Variants in TM9SF4 observed in about 807,000 individuals in gnomAD.
TM9SF4 encodes the protein dinucleotide oxidase disulfide thiol exchanger 3 superfamily member 4.
Under a neutral mutation model 90.4 loss-of-function variants are expected in TM9SF4, and 26 were observed. That is an observed-to-expected ratio of 0.29 (90% confidence interval 0.21 to 0.40). The LOEUF is 0.40. TM9SF4 is among the 10% of genes least tolerant of loss of function. The probability of loss-of-function intolerance (pLI) is 1.00; values close to 1 mark genes in which losing one functional copy is unlikely to be tolerated. For synonymous variants in TM9SF4, 293 were observed against 315.4 expected (o/e 0.93, Z 0.75); for missense variants, 549 against 834.8 (o/e 0.66, Z 4.22).
At chr20:32,164,118 G>A (rs1296460725) in intron 17 of TM9SF4, among the ~76,000 whole-genome samples, 1 of 152,048 alleles carries the variant, frequency 6.6e-6, no homozygotes, top group Non-Finnish European at 1.5e-5. Flanking sequence ...ATAAAATGAG[G>A]AACTTTCTGG....
At chr20:32,128,790 CTGTGTGTGTGTGTGTG>C (rs55977888) in intron 1 of TM9SF4, among the ~76,000 whole-genome samples, 8 of 145,266 alleles carry the variant, frequency 5.5e-5, no homozygotes, top group African/African-American at 1.3e-4. Flanking sequence ...GTATTCCATT[CTGTGTGTGTGTGTGTG>C]TGTGTGTGTG....
chr20:32,145,300 C>A lies in TM9SF4; in HGVS notation c.772-12C>A. 6.2e-7 allele frequency: 1 copy of A among 1,613,832 alleles called. No individual in the cohort carries two copies. The highest frequency in any genetic ancestry group is 2.2e-5 in the East Asian group (1 of 44,872). On this transcript the variant is annotated splice_polypyrimidine_tract_variant and intron_variant, in intron 7 of 17. Coordinates refer to ENST00000398022, the MANE Select transcript of TM9SF4 (RefSeq NM_014742.4). ...GGATGCCTGACTCTAAGTGCTTCCT[C>A]CCACCTGCCAGGAAAGTGATATCAA...
intron 1 of TM9SF4, among the ~76,000 whole-genome samples, chr20:32,122,200 C>A (rs1195994218): frequency 3.0e-5 from 3 of 100,678 alleles, no homozygotes; most frequent in Non-Finnish European, 6.0e-5. Context: ...CTGGCCGGGC[C>A]GGGGGCTGAT....
At chr20:32,122,440 C>G (rs2046335641) in intron 1 of TM9SF4, among the ~76,000 whole-genome samples, 1 of 150,086 alleles carries the variant, frequency 6.7e-6, no homozygotes, top group African/African-American at 2.5e-5. Context: ...AGGCTCCTCA[C>G]TTCTCATACG....
In TM9SF4 at chr20:32,150,871, T is replaced by A; in HGVS notation, c.1241T>A (p.Phe414Tyr). ...LKGHRWKKGAFCTATLYPGVV... is the reference protein window; with the variant it reads ...LKGHRWKKGAYCTATLYPGVV... Reference sequence around the variant, plus strand: ...GGCCATCGGTGGAAGAAAGGAGCCTTCTGTGTGAGTGTCCTAAACCTTCTC... The same window carrying A: ...GGCCATCGGTGGAAGAAAGGAGCCTACTGTGTGAGTGTCCTAAACCTTCTC... Residue 414 changes from phenylalanine to tyrosine, a missense_variant, in exon 12 of 18, where the codon TTC (phenylalanine) becomes TAC (tyrosine). Around this residue, in one of 2 missense-constraint regions of TM9SF4, gnomAD observed 495 missense variants for 711.7 expected, o/e 0.70. Coordinates refer to ENST00000398022, the MANE Select transcript of TM9SF4 (RefSeq NM_014742.4). 6.2e-7 allele frequency: 1 copy of A among 1,614,170 alleles called. No homozygotes were observed. Among genetic ancestry groups the A allele is most frequent in the Non-Finnish European group, 8.5e-7 (1 of 1,180,018 alleles).
intron 17 of TM9SF4, among the ~76,000 whole-genome samples, chr20:32,162,936 T>C (rs1361929423): frequency 3.3e-5 from 5 of 152,042 alleles, no homozygotes; most frequent in African/African-American, 9.7e-5. Context: ...GACTAAGAAA[T>C]TGGAGTTCTA....
intron 3 of TM9SF4, chr20:32,136,884 A>G (rs550125604): frequency 2.1e-6 from 1 of 471,186 alleles, no homozygotes; most frequent in East Asian, 6.9e-5. Context: ...TAGGAAGGAG[A>G]AAGGAGAGAA....
At chr20:32,134,612 C>G (rs2046568635) in intron 2 of TM9SF4, among the ~76,000 whole-genome samples, 2 of 152,014 alleles carry the variant, frequency 1.3e-5, no homozygotes, top group South Asian at 4.2e-4. Context: ...CTGTCCAGAC[C>G]CAGCTTGGCT....
chr20:32,123,866 A>ATATATATATATATTTTTTTTT lies in TM9SF4; in HGVS notation c.16-9146_16-9145insATATATATATATTTTTTTTTT. Among the ~76,000 whole-genome samples, 97 of 93,930 alleles carry ATATATATATATATTTTTTTTT rather than the reference A, an allele frequency of 1.0e-3. No homozygotes were observed. In the South Asian group the frequency reaches 0.012, roughly 12 times the overall value. The allele number at this position is 93,930 out of a possible 152,430, so 61.6% of individuals were successfully genotyped here. A position where few individuals can be genotyped will look rare whatever the true frequency, so the allele number is the denominator to read the frequency against. On this transcript the variant is annotated intron_variant, in intron 1 of 17. Coordinates refer to ENST00000398022, the MANE Select transcript of TM9SF4 (RefSeq NM_014742.4). ...CTCTCATATATATATATATATATATATTTTTTTTTTTAAAGAGATAGGGTC... is the reference window on the plus strand; with the variant it reads ...CTCTCATATATATATATATATATATATATATATATATATTTTTTTTTTTTTTTTTTTTAAAGAGATAGGGTC...
chr20:32,121,612 A>G (rs1190170465), intron 1 of TM9SF4, among the ~76,000 whole-genome samples: 1 of 152,040 alleles, frequency 6.6e-6, no homozygotes, highest in Non-Finnish European at 1.5e-5. Flanking sequence ...CTTTCTACAC[A>G]GACAAGGCAA....
At chr20:32,138,844 T>C (rs1335899602) in intron 3 of TM9SF4, among the ~76,000 whole-genome samples, 1 of 152,198 alleles carries the variant, frequency 6.6e-6, no homozygotes, top group Non-Finnish European at 1.5e-5. Flanking sequence ...AAATAGGCAG[T>C]AGGAAATGGT....
chr20:32,159,890 G>A (rs1222651140), intron 15 of TM9SF4, 102 bp from the exon 16 acceptor site: 14 of 1,528,898 alleles, frequency 9.2e-6, no homozygotes, highest in Non-Finnish European at 1.1e-5. Flanking sequence ...CCCTGATGGT[G>A]TCATGATGAT....
chr20:32,135,456 G>A (rs1405139072), intron 2 of TM9SF4, among the ~76,000 whole-genome samples: 1 of 152,130 alleles, frequency 6.6e-6, no homozygotes, highest in African/African-American at 2.4e-5. Flanking sequence ...GGGAGAAACT[G>A]ATTTTTTAAA....
chr20:32,136,615 T>C (rs1024056275), intron 3 of TM9SF4, among the ~76,000 whole-genome samples: 2 of 152,232 alleles, frequency 1.3e-5, no homozygotes, highest in Non-Finnish European at 2.9e-5. Context: ...ACCACAGTTC[T>C]TGCTGAGCTC....
intron 1 of TM9SF4, among the ~76,000 whole-genome samples, chr20:32,113,974 C>A (rs565085763): frequency 2.6e-5 from 4 of 152,344 alleles, no homozygotes; most frequent in African/African-American, 9.6e-5. Flanking sequence ...TATGTTGTAT[C>A]ATGTATCAGT....
At chr20:32,125,796 G>A (rs1426195727) in intron 1 of TM9SF4, among the ~76,000 whole-genome samples, 1 of 148,390 alleles carries the variant, frequency 6.7e-6, no homozygotes, top group Non-Finnish European at 1.5e-5. Flanking sequence ...AGCCTCCCCA[G>A]TAGCTGGGGC....
chr20:32,142,279 G>A (rs1433626563), intron 5 of TM9SF4, among the ~76,000 whole-genome samples: 1 of 152,206 alleles, frequency 6.6e-6, no homozygotes, highest in Non-Finnish European at 1.5e-5. Context: ...GCTGTAAAAT[G>A]TATGCAGCAG....
intron 1 of TM9SF4, among the ~76,000 whole-genome samples, chr20:32,124,989 A>G (rs976474338): frequency 1.2e-4 from 18 of 152,138 alleles, no homozygotes; most frequent in Admixed American, 3.3e-4. Context: ...TAAAATGTCA[A>G]ATATTCTCAA....
intron 12 of TM9SF4, among the ~76,000 whole-genome samples, chr20:32,151,963 A>G (rs1600329924): frequency 6.7e-6 from 1 of 149,278 alleles, no homozygotes; most frequent in African/African-American, 2.5e-5. Flanking sequence ...CTGGGTTCAC[A>G]CTATTCTCCT....
Sources: allele counts gnomAD v4.1 joint callset (sites outside exome capture counted in the v4.1 genomes callset), GRCh38; gene constraint gnomAD v4.1.1; regional missense constraint gnomAD v4.1.1; transcripts MANE v1.5; gene names NCBI Gene and HGNC (gene_info 2026-07-23, HGNC 2026-07-21).